IQSEC1: variants seen among roughly 807,000 people sequenced by gnomAD.
The protein encoded by IQSEC1 is IQ motif and SEC7 domain-containing protein 1.
In IQSEC1, 31 loss-of-function variants were observed where a neutral mutation model predicts 91.0. The ratio of observed to expected loss-of-function variants is 0.34; its 90% CI spans 0.26 to 0.46. The LOEUF (loss-of-function observed/expected upper bound fraction) is 0.46, where lower values mean the gene tolerates loss of function less well. Ranked by LOEUF, IQSEC1 falls within the 20% of genes least tolerant of loss-of-function variation. IQSEC1 has a pLI of 1.00. For missense variants in IQSEC1, 1,388 were observed against 1,575.6 expected, an observed-to-expected ratio of 0.88 and a Z score of 2.02; for synonymous variants, 699 against 662.6, an observed-to-expected ratio of 1.05 and a Z score of -0.84.
chr3:13,247,772 T>C (rs1695131955), intron 1 of IQSEC1, among the ~76,000 whole-genome samples: 1 of 152,068 alleles, frequency 6.6e-6, no homozygotes, highest in East Asian at 1.9e-4. Flanking sequence ...CTCTGGGCTG[T>C]TGACACCCCC....
chr3:13,080,273 G>T (rs148150884), intron 2 of IQSEC1, among the ~76,000 whole-genome samples: 127 of 152,308 alleles, frequency 8.3e-4, no homozygotes, highest in Middle Eastern at 6.8e-3. Flanking sequence ...GGAGGGAAGA[G>T]GTGGAGGCCT....
intron 1 of IQSEC1, among the ~76,000 whole-genome samples, chr3:12,974,387 G>T (rs1165147824): frequency 6.6e-6 from 1 of 152,250 alleles, no homozygotes; most frequent in Non-Finnish European, 1.5e-5. Flanking sequence ...GTGAGAATAT[G>T]CTTGCCGCAT....
chr3:13,030,373 T>A lies in IQSEC1; in HGVS notation c.23+42619A>T, dbSNP rs1411831423. Among the ~76,000 whole-genome samples the A allele has an allele frequency of 3.3e-5, 5 of 152,364 alleles. No homozygotes were observed. The East Asian group carries it at 9.6e-4, about 29-fold the overall frequency. Reference sequence around the variant, plus strand: ...CCTTGGCCTCCCAAAGTACCTGGATTATAGGCATGAGCCACCACGCTCAGC... The same window carrying A: ...CCTTGGCCTCCCAAAGTACCTGGATAATAGGCATGAGCCACCACGCTCAGC... On this transcript the variant is annotated intron_variant, in intron 1 of 13. Coordinates refer to ENST00000613206, the MANE Select transcript of IQSEC1 (RefSeq NM_001134382.3).
chr3:13,165,507 C>A (rs1693469748), intron 1 of IQSEC1, among the ~76,000 whole-genome samples: 1 of 98,636 alleles, frequency 1.0e-5, no homozygotes, highest in Non-Finnish European at 1.9e-5. Flanking sequence ...GAAAAGAAAG[C>A]AAGCGGGGGG....
In IQSEC1 at chr3:13,214,631, T is replaced by A. The variant is rs1694508498; in HGVS notation, c.273-50498A>T. On this transcript the variant is annotated intron_variant, in intron 1 of 15. Transcript: ENST00000648114. This position sits in a 1 kb window ranked among gnomAD's most constrained non-coding sequence, Gnocchi z 4.5. ...GGTGAGGAGGGGGCACCTCCAGGAA[T>A]CCACCCTGGCAAGAGCAGGGCCACG... Among the ~76,000 whole-genome samples, 1 of 152,160 alleles carries A rather than the reference T, an allele frequency of 6.6e-6. No homozygotes were observed. The highest frequency in any genetic ancestry group is 2.4e-5 in the African/African-American group (1 of 41,438).
chr3:13,200,660 C>A (rs774167212), intron 1 of IQSEC1, among the ~76,000 whole-genome samples: 2 of 152,236 alleles, frequency 1.3e-5, no homozygotes, highest in African/African-American at 4.8e-5. Flanking sequence ...CGGCTGCTAG[C>A]CCCTGCTCTC....
chr3:13,141,409 G>A (rs949730001), intron 2 of IQSEC1, among the ~76,000 whole-genome samples: 22 of 152,232 alleles, frequency 1.4e-4, no homozygotes, highest in African/African-American at 3.4e-4. Context: ...CCATGGGGCC[G>A]TCTCCCGGGG....
chr3:13,204,221 C>T (rs1694298617), intron 1 of IQSEC1, among the ~76,000 whole-genome samples: 1 of 152,252 alleles, frequency 6.6e-6, no homozygotes, highest in African/African-American at 2.4e-5. Context: ...CGCCCGCCGC[C>T]TCCACGTGCG....
Position 12,899,404 on chromosome 3 carries a change from C to A in IQSEC1, c.*1579G>T, listed in dbSNP as rs779327139. The A allele has an allele frequency of 6.2e-7, 1 of 1,612,986 alleles. No homozygotes were observed. The highest frequency in any genetic ancestry group is 1.3e-5 in the African/African-American group (1 of 74,950). ...GGTCCCATGGCTTAGGAGCACAGCA[C>A]TGACGGCTGCAGTGGCTCGAAAGGC... is the stretch of plus-strand genomic sequence containing the variant. On this transcript the variant is annotated 3_prime_UTR_variant, in exon 14 of 14. Transcript: ENST00000613206.
intron 1 of IQSEC1, among the ~76,000 whole-genome samples, chr3:13,036,868 C>T (rs1182004751): frequency 1.3e-5 from 2 of 152,202 alleles, no homozygotes; most frequent in Non-Finnish European, 2.9e-5. Context: ...CTTGTGTGAT[C>T]AGAACTAGTC....
At chr3:13,158,392 A>G (rs573443288) in intron 2 of IQSEC1, among the ~76,000 whole-genome samples, 8 of 152,312 alleles carry the variant, frequency 5.3e-5, no homozygotes, top group Admixed American at 3.9e-4. Flanking sequence ...GGGTTTGGGG[A>G]AAAAGGCCCA....
At chr3:13,210,736 G>C (rs1694428639) in intron 1 of IQSEC1, among the ~76,000 whole-genome samples, 2 of 152,150 alleles carry the variant, frequency 1.3e-5, no homozygotes, top group South Asian at 2.1e-4. Context: ...ACAGAGCTGA[G>C]TGGGCTTCAG....
At position 13,154,438 on chromosome 3, in the gene IQSEC1, CATATATATATATATATAT is replaced by C. The variant is rs774589168; in HGVS notation, c.302+9648_302+9665del. 1.6e-3 allele frequency among the ~76,000 whole-genome samples: 34 copies of C among 20,758 alleles called. 6 individuals carry two copies. The highest frequency in any genetic ancestry group is 5.4e-3 in the East Asian group (3 of 552). 13.6% of individuals were successfully genotyped at this position (20,758 alleles called of 152,430 possible). A position where few individuals can be genotyped will look rare whatever the true frequency, so the allele number is the denominator to read the frequency against. On this transcript the variant is annotated intron_variant, in intron 2 of 15. Transcript: ENST00000648114. Reference sequence around the variant, plus strand: ...ACACCAGGAAGCTGGAACTTACATGCATATATATATATATATATATATATATATATATATATATGCAAA... The same window carrying C: ...ACACCAGGAAGCTGGAACTTACATGCATATATATATATATATATATGCAAA...
chr3:13,066,735 C>A (rs895091658), intron 1 of IQSEC1, among the ~76,000 whole-genome samples: 1 of 152,210 alleles, frequency 6.6e-6, no homozygotes, highest in Non-Finnish European at 1.5e-5. Flanking sequence ...TATCCAGGAG[C>A]CGCTCTGGCA....
Position 13,245,335 on chromosome 3 carries a change from C to T in IQSEC1, c.272+37376G>A, listed in dbSNP as rs549778433. 6.6e-5 allele frequency among the ~76,000 whole-genome samples: 10 copies of T among 152,290 alleles called. No homozygotes were observed. In the East Asian group the frequency reaches 9.7e-4, roughly 15 times the overall value. ...GGAAGAGAGCAGAACTTCCAGCAGC[C>T]GCAGCTCAGAACACGCAGAGCATTA... On this transcript the variant is annotated intron_variant, in intron 1 of 15. Transcript: ENST00000648114.
chr3:13,202,307 T>A (rs114907962), intron 1 of IQSEC1, among the ~76,000 whole-genome samples: 2 of 152,166 alleles, frequency 1.3e-5, no homozygotes, highest in Admixed American at 1.3e-4. Context: ...TCTGGGTATA[T>A]ATAGGAAAGA....
At chr3:13,164,049 ACGC>A (rs1693414973) in intron 2 of IQSEC1, among the ~76,000 whole-genome samples, 1 of 152,160 alleles carries the variant, frequency 6.6e-6, no homozygotes, top group Admixed American at 6.5e-5. Context: ...GGTTTCATCA[ACGC>A]CGCTCACCGC....
intron 2 of IQSEC1, among the ~76,000 whole-genome samples, chr3:13,133,236 G>A (rs916204392): frequency 2.6e-5 from 4 of 152,240 alleles, no homozygotes; most frequent in Admixed American, 2.0e-4. Context: ...TCGTGTTGGT[G>A]TAGAATGTCT....
upstream of IQSEC1, among the ~76,000 whole-genome samples, chr3:13,076,972 T>C (rs915077263): frequency 1.5e-4 from 23 of 151,662 alleles, no homozygotes; most frequent in African/African-American, 4.6e-4. Context: ...CTATAGAAAA[T>C]AGGAAGTATT....
Sources: allele counts gnomAD v4.1 joint callset (sites outside exome capture counted in the v4.1 genomes callset), GRCh38; gene constraint gnomAD v4.1.1; non-coding constraint Gnocchi (gnomAD v3.1); transcripts MANE v1.5; gene names NCBI Gene and HGNC (gene_info 2026-07-23, HGNC 2026-07-21).